The following NUDT3 variants were observed in gnomAD, a reference collection of about 807,000 sequenced individuals.
The protein encoded by NUDT3 is diphosphoinositol polyphosphate phosphohydrolase 1.
A neutral mutation model predicts 23.6 loss-of-function variants in NUDT3; 9 were observed. That is an observed-to-expected ratio of 0.38 (90% CI 0.23 to 0.66). The LOEUF is 0.66. Among genes scored for constraint, NUDT3 ranks in the 30% least tolerant of loss-of-function variants. NUDT3 has a pLI of 0.52. For missense variants in NUDT3, 172 were observed against 218.5 expected (o/e 0.79, Z 1.34); for synonymous variants, 86 against 82.6 (o/e 1.04, Z -0.22).
At chr6:34,340,702 T>C (rs553493800) in intron 2 of NUDT3, among the ~76,000 whole-genome samples, 4 of 152,348 alleles carry the variant, frequency 2.6e-5, no homozygotes, top group South Asian at 4.1e-4. Flanking sequence ...ATCTGCATTG[T>C]TCCAACCATT....
rs556389078 is a variant in NUDT3 at position 34,363,617 on chromosome 6, C to A, written c.100-21645G>T. ...TGGGCTAGGTGAGAGTTCTGATCAG[C>A]ATGTATTTTTAGAAATTGCACATTT... is the stretch of plus-strand genomic sequence containing the variant. On this transcript the variant is annotated intron_variant, in intron 1 of 4. Transcript: ENST00000607016. Among the ~76,000 whole-genome samples the A allele has an allele frequency of 2.6e-5, 4 of 152,226 alleles. No homozygotes were observed. In the South Asian group the frequency reaches 8.3e-4, roughly 32 times the overall value.
chr6:34,346,443 T>C (rs1764371181), intron 1 of NUDT3, among the ~76,000 whole-genome samples: 1 of 152,014 alleles, frequency 6.6e-6, no homozygotes, highest in Non-Finnish European at 1.5e-5. Context: ...GAAGTTACAG[T>C]CCAAAAGAAA....
chr6:34,282,940 T>C lies in NUDT3; in HGVS notation c.*5813A>G, dbSNP rs562375726. The C allele has an allele frequency of 3.1e-4, 47 of 152,314 alleles. No homozygotes were observed. Among genetic ancestry groups the C allele is most frequent in the African/African-American group, 9.1e-4 (38 of 41,572 alleles). 9.4% of individuals were successfully genotyped at this position (152,314 alleles called of 1,614,324 possible). A position where few individuals can be genotyped will look rare whatever the true frequency, so the allele number is the denominator to read the frequency against. On this transcript the variant is annotated 3_prime_UTR_variant, in exon 5 of 5. Transcript: ENST00000607016. ...CACCTTCTAGATAGTAATCTTACTTTTGTTGGCTAAAAGCACTTTCTTCAG... is the reference window on the plus strand; with the variant it reads ...CACCTTCTAGATAGTAATCTTACTTCTGTTGGCTAAAAGCACTTTCTTCAG...
chr6:34,310,991 G>GAA (rs751477783), intron 2 of NUDT3, among the ~76,000 whole-genome samples: 9 of 122,190 alleles, frequency 7.4e-5, no homozygotes, highest in Non-Finnish European at 1.2e-4. Context: ...GACACAGAAG[G>GAA]AAAAAAAAAA....
At chr6:34,344,841 T>C (rs1764339942) in intron 1 of NUDT3, among the ~76,000 whole-genome samples, 1 of 151,400 alleles carries the variant, frequency 6.6e-6, no homozygotes. Context: ...TTAGTAGAGA[T>C]GAGGTTTCAC....
At chr6:34,388,885 T>G (rs1482699272) in intron 1 of NUDT3, among the ~76,000 whole-genome samples, 1 of 152,238 alleles carries the variant, frequency 6.6e-6, no homozygotes, top group Non-Finnish European at 1.5e-5. Flanking sequence ...AAGCTTTGCA[T>G]GATTCCTCGG....
chr6:34,337,096 T>C (rs1165887134), intron 2 of NUDT3, among the ~76,000 whole-genome samples: 6 of 152,126 alleles, frequency 3.9e-5, no homozygotes, highest in African/African-American at 1.4e-4. Flanking sequence ...GAACTGTTTC[T>C]GTAATGACAT....
intron 2 of NUDT3, among the ~76,000 whole-genome samples, chr6:34,303,570 C>T (rs772304815): frequency 2.6e-5 from 4 of 152,032 alleles, no homozygotes; most frequent in Admixed American, 6.6e-5. Flanking sequence ...TTCAAAAATA[C>T]GATGTTTGCT....
intron 1 of NUDT3, 149 bp from the exon 2 acceptor site, chr6:34,342,121 G>A (rs1422773698): frequency 1.2e-5 from 8 of 693,534 alleles, no homozygotes; most frequent in East Asian, 2.9e-5. Context: ...AGTAGCTTTC[G>A]TTTCTATTTG....
At chr6:34,369,971 T>A (rs1764801363) in intron 1 of NUDT3, among the ~76,000 whole-genome samples, 1 of 152,132 alleles carries the variant, frequency 6.6e-6, no homozygotes, top group Admixed American at 6.6e-5. Flanking sequence ...TAATGTCTAT[T>A]ACCTAAAAAC....
intron 2 of NUDT3, among the ~76,000 whole-genome samples, chr6:34,327,064 G>T (rs780848700): frequency 6.6e-6 from 1 of 151,816 alleles, no homozygotes; most frequent in Non-Finnish European, 1.5e-5. Context: ...TGGGTGCACT[G>T]ATATTTATTG....
intron 2 of NUDT3, among the ~76,000 whole-genome samples, chr6:34,322,234 CT>C (rs988797839): frequency 2.4e-3 from 343 of 142,254 alleles, no homozygotes; most frequent in Admixed American, 2.3e-3. Flanking sequence ...ACCCTGGACT[CT>C]TTTTTTTTTT....
chr6:34,297,406 C>A (rs1763517263), intron 2 of NUDT3, among the ~76,000 whole-genome samples: 1 of 152,118 alleles, frequency 6.6e-6, no homozygotes, highest in African/African-American at 2.4e-5. Context: ...GTTCTGTACT[C>A]TGATCCCAGG....
At chr6:34,377,705 C>T (rs1764946970) in intron 1 of NUDT3, among the ~76,000 whole-genome samples, 1 of 151,846 alleles carries the variant, frequency 6.6e-6, no homozygotes, top group Non-Finnish European at 1.5e-5. Context: ...TGGTGGCACA[C>T]ACCTGTAACC....
chr6:34,348,292 A>T (rs1764411335), intron 1 of NUDT3, among the ~76,000 whole-genome samples: 1 of 151,920 alleles, frequency 6.6e-6, no homozygotes. Flanking sequence ...GTCTCAAAAA[A>T]ACAAAAGCAA....
intron 1 of NUDT3, among the ~76,000 whole-genome samples, chr6:34,384,772 A>T (rs2113770531): frequency 6.6e-6 from 1 of 152,278 alleles, no homozygotes; most frequent in Admixed American, 6.5e-5. Context: ...TGTCTCATGC[A>T]TGTAATCCTA....
intron 2 of NUDT3, among the ~76,000 whole-genome samples, chr6:34,301,158 G>T (rs1400961985): frequency 8.0e-6 from 1 of 125,372 alleles, no homozygotes; most frequent in Non-Finnish European, 1.9e-5. Context: ...CAGTTTACTT[G>T]TAGATCTAAT....
intron 1 of NUDT3, among the ~76,000 whole-genome samples, chr6:34,346,424 C>A (rs1363128897): frequency 6.6e-6 from 1 of 152,160 alleles, no homozygotes; most frequent in Non-Finnish European, 1.5e-5. Flanking sequence ...CTGACTAAGG[C>A]CATCCAATGA....
In NUDT3 at chr6:34,293,466, C is replaced by G; in HGVS notation, c.325G>C (p.Asp109His). The G allele has an allele frequency of 6.2e-7, 1 of 1,614,168 alleles. No individual in the cohort carries two copies. Among genetic ancestry groups the G allele is most frequent in the Non-Finnish European group, 8.5e-7 (1 of 1,180,010 alleles). ...IVTEVLEDWEDSVNIGRKREW... is the reference protein window; with the variant it reads ...IVTEVLEDWEHSVNIGRKREW... ...GATGGCTTACCAATGTTAACTGAAT[C>G]TTCCCAGTCTTCCAGCACTTCAGTG... Residue 109 changes from aspartate (D) to histidine (H), a missense_variant, in exon 4 of 5, where the codon GAT becomes CAT. Around this residue, in one of 3 missense-constraint regions of NUDT3, gnomAD observed 59 missense variants for 107.4 expected, o/e 0.55. Transcript: ENST00000607016.
Sources: allele counts gnomAD v4.1 joint callset (sites outside exome capture counted in the v4.1 genomes callset), GRCh38; gene constraint gnomAD v4.1.1; regional missense constraint gnomAD v4.1.1; transcripts MANE v1.5; gene names NCBI Gene and HGNC (gene_info 2026-07-23, HGNC 2026-07-21).